Variants in MOCOS observed in about 807,000 individuals in gnomAD.
MOCOS encodes molybdenum cofactor sulfurase.
In MOCOS, 86 loss-of-function variants were observed where a neutral mutation model predicts 83.6. That is an observed-to-expected ratio of 1.03 (90% confidence interval 0.86 to 1.23). MOCOS has a LOEUF of 1.23. Ranked by LOEUF, MOCOS falls within the 50% of genes most tolerant of loss-of-function variation. MOCOS has a pLI of 0.00. For synonymous variants in MOCOS, 445 were observed against 434.7 expected (o/e 1.02, Z -0.29); for missense variants, 1,120 against 1,126.9 (o/e 0.99, Z 0.09).
At chr18:36,266,599 A>G in intron 13 of MOCOS, 150 bp from the exon 14 acceptor site, 1 of 703,162 alleles carries the variant, frequency 1.4e-6, no homozygotes. Flanking sequence ...AAACAAATGC[A>G]GATGATTCCC....
Position 36,241,747 on chromosome 18 carries a change from A to C in MOCOS, c.1961-7175A>C, listed in dbSNP as rs182969582. Among the ~76,000 whole-genome samples, 27 of 152,276 alleles carry C rather than the reference A, an allele frequency of 1.8e-4. No individual in the cohort carries two copies. In the East Asian group the frequency reaches 4.6e-3, roughly 26 times the overall value. The stretch of plus-strand genomic sequence containing the variant: ...TCTGGATATCCAGGCATTTTCTTAC[A>C]TCCTCTGAAATCTAGGTGGAGGTTA... On this transcript the variant is annotated intron_variant, in intron 9 of 14. Coordinates refer to ENST00000261326, the MANE Select transcript of MOCOS (RefSeq NM_017947.4).
At chr18:36,207,717 C>T (rs1300879511) in intron 6 of MOCOS, among the ~76,000 whole-genome samples, 1 of 152,062 alleles carries the variant, frequency 6.6e-6, no homozygotes, top group Non-Finnish European at 1.5e-5. Flanking sequence ...GCATAGTTTG[C>T]AAATATTTTC....
chr18:36,261,237 C>T, intron 13 of MOCOS, among the ~76,000 whole-genome samples: 1 of 152,050 alleles, frequency 6.6e-6, no homozygotes, highest in Non-Finnish European at 1.5e-5. Flanking sequence ...CTGAAATGCT[C>T]TAAAATATAA....
intron 9 of MOCOS, among the ~76,000 whole-genome samples, chr18:36,238,414 G>A (rs1383857572): frequency 6.6e-6 from 1 of 150,710 alleles, no homozygotes; most frequent in Non-Finnish European, 1.5e-5. Flanking sequence ...TCAGGAGCCG[G>A]TTGTTCAGTT....
intron 9 of MOCOS, among the ~76,000 whole-genome samples, chr18:36,231,161 C>T (rs756861979): frequency 1.4e-4 from 21 of 152,004 alleles, no homozygotes; most frequent in Admixed American, 3.9e-4. Flanking sequence ...TCTTACTGAA[C>T]GCTTTTTCTG....
intron 11 of MOCOS, among the ~76,000 whole-genome samples, chr18:36,255,116 C>A (rs1341810243): frequency 1.3e-5 from 2 of 152,036 alleles, no homozygotes; most frequent in Non-Finnish European, 2.9e-5. Context: ...AAAAAATTAG[C>A]GAAAATGAGC....
intron 1 of MOCOS, among the ~76,000 whole-genome samples, chr18:36,190,740 C>A (rs926793339): frequency 4.0e-5 from 6 of 151,844 alleles, no homozygotes; most frequent in East Asian, 3.9e-4. Flanking sequence ...CAGAGTGAGA[C>A]CCTGTCTCAA....
In MOCOS at chr18:36,251,137, CTT is replaced by C. The variant is rs768677501; in HGVS notation, c.2040-20_2040-19del. ...AATAAATACTATGTAACAGTTCACT[CTT>C]TCTCTCTCTCTTTTGCCAGAGTAAG... On this transcript the variant is annotated intron_variant, in intron 10 of 14. Transcript: ENST00000261326. 6.2e-7 allele frequency: 1 copy of C among 1,606,670 alleles called. No individual in the cohort carries two copies. Among genetic ancestry groups the C allele is most frequent in the Non-Finnish European group, 8.5e-7 (1 of 1,173,324 alleles).
chr18:36,239,880 T>C (rs2091574341), intron 9 of MOCOS, among the ~76,000 whole-genome samples: 1 of 152,110 alleles, frequency 6.6e-6, no homozygotes, highest in Non-Finnish European at 1.5e-5. Context: ...TTCATTTCAT[T>C]CATTTCATCT....
chr18:36,262,600 G>A (rs2091667904), intron 13 of MOCOS, among the ~76,000 whole-genome samples: 1 of 152,104 alleles, frequency 6.6e-6, no homozygotes. Flanking sequence ...TCAGGTTCAA[G>A]CAATCCTCCT....
chr18:36,197,221 G>T (rs2091392108), intron 2 of MOCOS, among the ~76,000 whole-genome samples: 1 of 152,168 alleles, frequency 6.6e-6, no homozygotes, highest in Non-Finnish European at 1.5e-5. Flanking sequence ...GGTGGGATCT[G>T]CAGGGCAATA....
intron 13 of MOCOS, among the ~76,000 whole-genome samples, chr18:36,264,857 C>T (rs1242590188): frequency 6.6e-6 from 1 of 151,988 alleles, no homozygotes; most frequent in Non-Finnish European, 1.5e-5. Flanking sequence ...TAATTGAAAA[C>T]TTTTCCCAAT....
intron 7 of MOCOS, among the ~76,000 whole-genome samples, chr18:36,214,781 C>T (rs1405798532): frequency 1.3e-5 from 2 of 152,064 alleles, no homozygotes; most frequent in Non-Finnish European, 2.9e-5. Flanking sequence ...GAGAGGGAGG[C>T]TCAGAACACA....
At chr18:36,205,397 C>T in intron 6 of MOCOS, 121 bp downstream of exon 6, 1 of 990,814 alleles carries the variant, frequency 1.0e-6, no homozygotes, top group Non-Finnish European at 1.6e-6. Flanking sequence ...AGCCACATGC[C>T]TTTCCACCTT....
intron 2 of MOCOS, among the ~76,000 whole-genome samples, chr18:36,198,288 C>T (rs1365587050): frequency 6.6e-6 from 1 of 152,006 alleles, no homozygotes; most frequent in East Asian, 1.9e-4. Flanking sequence ...AGTTAGGAGG[C>T]TGAGATGGGA....
chr18:36,260,272 C>A, intron 13 of MOCOS, 97 bp downstream of exon 13: 1 of 1,487,564 alleles, frequency 6.7e-7, no homozygotes, highest in Non-Finnish European at 9.4e-7. Context: ...GACTCCCTCC[C>A]AGTCCTTGTC....
At chr18:36,198,095 A>T (rs898789742) in intron 2 of MOCOS, among the ~76,000 whole-genome samples, 5 of 152,096 alleles carry the variant, frequency 3.3e-5, no homozygotes, top group Admixed American at 1.3e-4. Context: ...TTATTGGCAA[A>T]TAACTTCCCT....
At chr18:36,249,602 A>T (rs565078501) in intron 10 of MOCOS, among the ~76,000 whole-genome samples, 88 of 152,116 alleles carry the variant, frequency 5.8e-4, no homozygotes, top group South Asian at 5.0e-3. Context: ...TTGCATGTTG[A>T]GAAGACCAGC....
intron 11 of MOCOS, among the ~76,000 whole-genome samples, chr18:36,255,778 A>G (rs2091639221): frequency 6.6e-6 from 1 of 152,084 alleles, no homozygotes; most frequent in African/African-American, 2.4e-5. Flanking sequence ...GGATAATGAT[A>G]GTGATGCCGG....
Sources: gnomAD v4.1 joint callset for allele counts (sites outside exome capture counted in the v4.1 genomes callset) on GRCh38, gnomAD v4.1.1 for gene constraint, MANE v1.5 for transcripts, NCBI Gene and HGNC (gene_info 2026-07-23, HGNC 2026-07-21) for gene names.